Variants in CGRRF1 observed in about 807,000 individuals in gnomAD.
CGRRF1 encodes the protein cell growth regulator with ring finger domain 1.
Under a neutral mutation model 37.2 loss-of-function variants are expected in CGRRF1, and 32 were observed. The ratio of observed to expected loss-of-function variants is 0.86; its 90% CI spans 0.65 to 1.16. CGRRF1 has a LOEUF of 1.16. Among genes scored for constraint, CGRRF1 ranks in the 50% most tolerant of loss-of-function variants. The pLI is 0.00. For synonymous variants in CGRRF1, 141 were observed against 140.3 expected, an observed-to-expected ratio of 1.00 and a Z score of -0.04; for missense variants, 391 against 382.6, an observed-to-expected ratio of 1.02 and a Z score of -0.18.
chr14:54,522,519 T>C lies in CGRRF1; in HGVS notation c.170T>C (p.Phe57Ser). 1 of 1,609,944 alleles carries C rather than the reference T, an allele frequency of 6.2e-7. No homozygotes were observed. Among genetic ancestry groups the C allele is most frequent in the Non-Finnish European group, 8.5e-7 (1 of 1,178,522 alleles). ...SEETQFSTRV[F>S]KKQMRQVKNP... ...GAGACCCAGTTCAGCACAAGAGTTT[T>C]CAAAAAGCAAATGAGACAAGTCAAG... The change falls in exon 2 of 6, where the codon TTC becomes TCC. Residue 57 changes from phenylalanine (F) to serine (S), a missense_variant. Transcript: ENST00000216420.
intron 1 of CGRRF1, among the ~76,000 whole-genome samples, chr14:54,514,616 A>G (rs2032185967): frequency 6.6e-6 from 1 of 152,172 alleles, no homozygotes. Context: ...CCTCAGGTGG[A>G]TCCCAGTATC....
chr14:54,510,913 G>A (rs2032119060), intron 1 of CGRRF1, among the ~76,000 whole-genome samples: 1 of 152,200 alleles, frequency 6.6e-6, no homozygotes, highest in Non-Finnish European at 1.5e-5. Flanking sequence ...AGATCAAACA[G>A]CAGTTCTAAG....
intron 1 of CGRRF1, among the ~76,000 whole-genome samples, chr14:54,515,158 G>A (rs1398275802): frequency 6.9e-6 from 1 of 145,514 alleles, no homozygotes. Flanking sequence ...GTATGATCTC[G>A]GCTCACTGCA....
At position 54,538,383 on chromosome 14, in the gene CGRRF1, A is replaced by G; in HGVS notation, c.999A>G (p.Ter333TrpextTer12). ...ATAAAGACAAACCGAAGACTCTTTGAAGACATCGTAACACTGAAAAGTACA... is the reference window on the plus strand; with the variant it reads ...ATAAAGACAAACCGAAGACTCTTTGGAGACATCGTAACACTGAAAAGTACA... ...EQDKDKPKTL[*>W] The change falls in exon 6 of 6, where the codon TGA becomes TGG. Residue 333 changes from the stop codon to tryptophan (W), a stop_lost. Coordinates refer to ENST00000216420, the MANE Select transcript of CGRRF1 (RefSeq NM_006568.3). 1 of 1,598,682 alleles carries G rather than the reference A, an allele frequency of 6.3e-7. No homozygotes were observed. Among genetic ancestry groups the G allele is most frequent in the Non-Finnish European group, 8.6e-7 (1 of 1,168,578 alleles).
At chr14:54,521,070 A>G (rs1410731714) in intron 1 of CGRRF1, among the ~76,000 whole-genome samples, 1 of 152,124 alleles carries the variant, frequency 6.6e-6, no homozygotes, top group Non-Finnish European at 1.5e-5. Flanking sequence ...TTTTCCTTTT[A>G]ATTCTGTTCC....
intron 1 of CGRRF1, among the ~76,000 whole-genome samples, chr14:54,513,606 GTTA>G (rs1299302648): frequency 6.6e-6 from 1 of 151,068 alleles, no homozygotes; most frequent in African/African-American, 2.4e-5. Flanking sequence ...GTTATGTTAT[GTTA>G]TGTTATGTAA....
chr14:54,520,120 T>A (rs560832290), intron 1 of CGRRF1, among the ~76,000 whole-genome samples: 4 of 152,272 alleles, frequency 2.6e-5, no homozygotes, highest in African/African-American at 9.6e-5. Flanking sequence ...ATTTATTTAT[T>A]TTTTTTGAGA....
intron 4 of CGRRF1, 26 bp from the exon 5 acceptor site, chr14:54,537,696 T>C (rs770815181): frequency 1.3e-6 from 2 of 1,508,772 alleles, no homozygotes; most frequent in Non-Finnish European, 1.8e-6. Flanking sequence ...TTTTAAGTAC[T>C]GACCAGTGTT....
chr14:54,522,717 T>C, intron 2 of CGRRF1, 124 bp downstream of exon 2: 3 of 897,216 alleles, frequency 3.3e-6, no homozygotes, highest in Admixed American at 2.5e-5. Context: ...GGCAACTATG[T>C]TGTTCCAGGT....
At chr14:54,522,056 G>T (rs1185554931) in intron 1 of CGRRF1, among the ~76,000 whole-genome samples, 1 of 152,062 alleles carries the variant, frequency 6.6e-6, no homozygotes, top group Non-Finnish European at 1.5e-5. Flanking sequence ...CATATTCTAG[G>T]ATGCTTAAGT....
At position 54,509,959 on chromosome 14, in the gene CGRRF1, G is replaced by C. The variant is rs1367653162; in HGVS notation, c.-1G>C. The C allele has an allele frequency of 6.2e-7, 1 of 1,611,174 alleles. No homozygotes were observed. Among genetic ancestry groups the C allele is most frequent in the African/African-American group, 1.3e-5 (1 of 74,888 alleles). ...CGGGCTCTACCCAGAGCAAGACCCT[G>C]ATGGCTGCGGTGTTTCTGGTAACGC... On this transcript the variant is annotated 5_prime_UTR_variant, in exon 1 of 6. Coordinates refer to ENST00000216420, the MANE Select transcript of CGRRF1 (RefSeq NM_006568.3).
At position 54,538,057 on chromosome 14, in the gene CGRRF1, T is replaced by A. The variant is rs1307358053; in HGVS notation, c.679-6T>A. 2 of 1,577,444 alleles carry A rather than the reference T, an allele frequency of 1.3e-6. No homozygotes were observed. ...TAATCTTTAAATTTATTTCTTTGAT[T>A]TTCAGCAACTTTTCATGTCTGCAAA... On this transcript the variant is annotated splice_region_variant and splice_polypyrimidine_tract_variant and intron_variant, in intron 5 of 5. Coordinates refer to ENST00000216420, the MANE Select transcript of CGRRF1 (RefSeq NM_006568.3).
chr14:54,512,056 A>G (rs1409178055), intron 1 of CGRRF1, among the ~76,000 whole-genome samples: 2 of 152,248 alleles, frequency 1.3e-5, no homozygotes, highest in African/African-American at 2.4e-5. Flanking sequence ...GCATAAAAAC[A>G]TCTTTCTAAT....
In CGRRF1 at chr14:54,530,185, A is replaced by T. The variant is rs760153183; in HGVS notation, c.381A>T (p.Glu127Asp). Reference sequence around the variant, plus strand: ...GAATAAGCACTCCCCAAGCATTAGAAGATGCTCTGTATAGTGAATATCTCT... The same window carrying T: ...GAATAAGCACTCCCCAAGCATTAGATGATGCTCTGTATAGTGAATATCTCT... Reference protein sequence around the residue: ...CFRISTPQALEDALYSEYLYQ... With the variant: ...CFRISTPQALDDALYSEYLYQ... Residue 127 changes from glutamate (E) to aspartate (D), a missense_variant, in exon 3 of 6, where the codon GAA becomes GAT. Physicochemically the swap from Glu to Asp is conservative, Grantham distance 45. Transcript: ENST00000216420. 8.7e-6 allele frequency: 14 copies of T among 1,613,272 alleles called. No homozygotes were observed. Among genetic ancestry groups the T allele is most frequent in the Non-Finnish European group, 1.0e-5 (12 of 1,179,422 alleles).
intron 1 of CGRRF1, among the ~76,000 whole-genome samples, chr14:54,512,582 T>C (rs1406854873): frequency 6.6e-6 from 1 of 152,208 alleles, no homozygotes; most frequent in African/African-American, 2.4e-5. Context: ...CTAAACTACA[T>C]TTCTTCTTTG....
At chr14:54,527,181 A>G (rs530168885) in intron 2 of CGRRF1, among the ~76,000 whole-genome samples, 1 of 152,268 alleles carries the variant, frequency 6.6e-6, no homozygotes, top group South Asian at 2.1e-4. Context: ...TGAGTTTTAG[A>G]AGGCAAAAAA....
chr14:54,515,476 A>T (rs111771665), intron 1 of CGRRF1, among the ~76,000 whole-genome samples: 51 of 152,228 alleles, frequency 3.4e-4, no homozygotes, highest in African/African-American at 1.2e-3. Flanking sequence ...GATTTTCTAT[A>T]TATTGGAGCT....
In CGRRF1 at chr14:54,538,466, A is replaced by G; in HGVS notation, c.*83A>G. On this transcript the variant is annotated 3_prime_UTR_variant, in exon 6 of 6. Transcript: ENST00000216420. ...TGGAATTCATCATAACATGGAATCT[A>G]CAGTACTGACCATCAATGAAAATTA... The G allele has an allele frequency of 4.4e-6, 4 of 918,994 alleles. No individual in the cohort carries two copies. The highest frequency in any genetic ancestry group is 3.3e-6 in the Non-Finnish European group (2 of 601,444). The allele number at this position is 918,994 out of a possible 1,614,324, so 56.9% of individuals were successfully genotyped here. A position where few individuals can be genotyped will look rare whatever the true frequency, so the allele number is the denominator to read the frequency against.
chr14:54,512,490 C>T (rs955804699), intron 1 of CGRRF1, among the ~76,000 whole-genome samples: 17 of 152,226 alleles, frequency 1.1e-4, no homozygotes, highest in Admixed American at 2.6e-4. Flanking sequence ...TAGCTATTCC[C>T]GGCCTCCTCT....
Sources: gnomAD v4.1 joint callset for allele counts (sites outside exome capture counted in the v4.1 genomes callset) on GRCh38, gnomAD v4.1.1 for gene constraint, MANE v1.5 for transcripts, NCBI Gene and HGNC (gene_info 2026-07-23, HGNC 2026-07-21) for gene names.